The following PCDH11Y variants were observed in gnomAD, a reference collection of about 807,000 sequenced individuals.
The protein encoded by PCDH11Y is protocadherin 11 Y-linked.
For missense variants in PCDH11Y, 12 were observed against 224.8 expected, an observed-to-expected ratio of 0.05 and a Z score of 6.05; for synonymous variants, 9 against 83.6, an observed-to-expected ratio of 0.11 and a Z score of 4.87.
chrY:5,115,450 A>G, intron 2 of PCDH11Y, among the ~76,000 whole-genome samples: 1 of 31,598 alleles, frequency 3.2e-5, no homozygotes, highest in Non-Finnish European at 7.5e-5. Context: ...GTTCACGCCA[A>G]ATAGAAATCA....
intron 4 of PCDH11Y, among the ~76,000 whole-genome samples, chrY:5,638,409 A>T: frequency 3.1e-5 from 1 of 32,274 alleles, no homozygotes; most frequent in African/African-American, 1.2e-4. Context: ...AGAAATCCAT[A>T]TAGAGAAGAT....
At chrY:5,214,698 A>G in intron 2 of PCDH11Y, among the ~76,000 whole-genome samples, 2 of 32,193 alleles carry the variant, frequency 6.2e-5, no homozygotes, top group Non-Finnish European at 1.5e-4. Context: ...TTTTTATTTG[A>G]GTTTCCATTT....
intron 3 of PCDH11Y, among the ~76,000 whole-genome samples, chrY:5,523,122 A>G: frequency 3.0e-5 from 1 of 33,276 alleles, no homozygotes; most frequent in African/African-American, 1.2e-4. Context: ...TTCTGTTTCA[A>G]TTAGTGGACT....
At chrY:5,479,416 A>C (rs1390357003) in intron 2 of PCDH11Y, among the ~76,000 whole-genome samples, 1 of 33,673 alleles carries the variant, frequency 3.0e-5, no homozygotes. Flanking sequence ...AGTCTGACGG[A>C]CTTCCCTTTG....
chrY:5,043,760 A>T, intron 3 of PCDH11Y, among the ~76,000 whole-genome samples: 1 of 32,523 alleles, frequency 3.1e-5, no homozygotes, highest in Admixed American at 2.8e-4. Flanking sequence ...TTTGGTTGGT[A>T]AGCTATTGAT....
chrY:5,296,464 C>G, intron 2 of PCDH11Y, among the ~76,000 whole-genome samples: 1 of 33,675 alleles, frequency 3.0e-5, no homozygotes, highest in Admixed American at 2.6e-4. Context: ...CAGCACAGTT[C>G]TGGCCCTTGC....
intron 3 of PCDH11Y, among the ~76,000 whole-genome samples, chrY:5,564,979 A>G (rs2124695642): frequency 3.0e-5 from 1 of 33,045 alleles, no homozygotes; most frequent in South Asian, 6.6e-4. Context: ...AAACCTTAAA[A>G]TGTGTTTCAA....
chrY:5,741,592 TG>T (rs2053617680), exon 5 of PCDH11Y: 1 of 32,876 alleles, frequency 3.0e-5, no homozygotes, highest in South Asian at 6.6e-4. Flanking sequence ...CTTTTTATTA[TG>T]ACCATTAGAA....
intron 3 of PCDH11Y, chrY:5,037,287 T>C (rs2052600123): frequency 8.6e-6 from 1 of 116,021 alleles, no homozygotes; most frequent in Admixed American, 1.1e-4. Flanking sequence ...CAACATTATA[T>C]AGTGGATATG....
chrY:5,500,077 T>C, intron 2 of PCDH11Y, among the ~76,000 whole-genome samples: 1 of 29,902 alleles, frequency 3.3e-5, no homozygotes, highest in Non-Finnish European at 8.0e-5. Context: ...CGAAGCTAGC[T>C]TGAGCTTCCC....
At chrY:5,197,688 A>G in intron 2 of PCDH11Y, among the ~76,000 whole-genome samples, 1 of 26,543 alleles carries the variant, frequency 3.8e-5, no homozygotes, top group Non-Finnish European at 8.8e-5. Context: ...AGGGACATGG[A>G]TGAAATTGGA....
intron 2 of PCDH11Y, among the ~76,000 whole-genome samples, chrY:5,128,830 G>C: frequency 3.0e-5 from 1 of 33,123 alleles, no homozygotes. Flanking sequence ...CTTGGTTTCA[G>C]CACATAGGCA....
chrY:5,535,775 T>C, intron 3 of PCDH11Y, among the ~76,000 whole-genome samples: 1 of 33,527 alleles, frequency 3.0e-5, no homozygotes, highest in Admixed American at 2.7e-4. Flanking sequence ...GATCAAGTGA[T>C]ATTTCTACTT....
At chrY:5,436,141 A>G in intron 2 of PCDH11Y, among the ~76,000 whole-genome samples, 1 of 33,585 alleles carries the variant, frequency 3.0e-5, no homozygotes, top group African/African-American at 1.2e-4. Context: ...CTTTGCTGGT[A>G]TACAGCCTTT....
At chrY:5,739,213 G>A (rs2053614367) in exon 5 of PCDH11Y, 1 of 32,407 alleles carries the variant, frequency 3.1e-5, no homozygotes, top group Non-Finnish European at 7.6e-5. Context: ...AACACACACA[G>A]AACAAAAACC....
At chrY:5,374,969 T>C in intron 2 of PCDH11Y, among the ~76,000 whole-genome samples, 1 of 33,728 alleles carries the variant, frequency 3.0e-5, no homozygotes, top group Non-Finnish European at 7.4e-5. Context: ...CGTTCATCCA[T>C]TGATAAGCAT....
intron 1 of PCDH11Y, among the ~76,000 whole-genome samples, chrY:5,004,327 CA>C (rs2052536779): frequency 3.0e-5 from 1 of 33,801 alleles, no homozygotes. Flanking sequence ...TGGGTTTCAG[CA>C]GCTGAAAGGC....
intron 2 of PCDH11Y, among the ~76,000 whole-genome samples, chrY:5,351,715 T>C (rs2053159523): frequency 2.1e-4 from 7 of 32,906 alleles, no homozygotes; most frequent in African/African-American, 8.2e-4. Flanking sequence ...TGAATCTAAT[T>C]ATTACTACTA....
intron 2 of PCDH11Y, among the ~76,000 whole-genome samples, chrY:5,187,029 G>A: frequency 1.8e-4 from 6 of 33,903 alleles, no homozygotes; most frequent in African/African-American, 6.9e-4. Context: ...AAATCCAGTG[G>A]GGCAGTCAAA....
Sources: gnomAD v4.1 joint callset for allele counts (sites outside exome capture counted in the v4.1 genomes callset) on GRCh38, gnomAD v4.1.1 for gene constraint, MANE v1.5 for transcripts, NCBI Gene and HGNC (gene_info 2026-07-23, HGNC 2026-07-21) for gene names.